Variants in DARS1 observed in about 807,000 individuals in gnomAD.
The protein encoded by DARS1 is aspartate--tRNA ligase, cytoplasmic.
DARS1 carries 51 observed loss-of-function variants against 68.8 expected under a neutral mutation model. The observed-to-expected ratio is 0.74, with a 90% CI of 0.59 to 0.94. The LOEUF (loss-of-function observed/expected upper bound fraction) is 0.94, where lower values mean the gene tolerates loss of function less well. DARS1 is among the 40% of genes least tolerant of loss of function. The pLI, the probability that DARS1 is intolerant of heterozygous loss-of-function variation, is 0.00. For missense variants in DARS1, 607 were observed against 597.3 expected, an observed-to-expected ratio of 1.02 and a Z score of -0.17; for synonymous variants, 203 against 190.4, an observed-to-expected ratio of 1.07 and a Z score of -0.55.
chr2:135,932,616 A>G (rs1681375791), intron 7 of DARS1, among the ~76,000 whole-genome samples, 167 bp downstream of exon 7: 1 of 152,180 alleles, frequency 6.6e-6, no homozygotes, highest in Admixed American at 6.5e-5. Flanking sequence ...GTTGCCTGCA[A>G]TTCTTTTTAG....
intron 5 of DARS1, among the ~76,000 whole-genome samples, chr2:135,934,910 T>A (rs1221333156): frequency 6.7e-6 from 1 of 149,768 alleles, no homozygotes; most frequent in Non-Finnish European, 1.5e-5. Flanking sequence ...TTCTCCCACC[T>A]CAGCCTCCTG....
At chr2:135,963,383 T>G (rs2104835567) in intron 3 of DARS1, among the ~76,000 whole-genome samples, 1 of 152,248 alleles carries the variant, frequency 6.6e-6, no homozygotes, top group South Asian at 2.1e-4. Flanking sequence ...ACTTTTTTTT[T>G]TTTTTGAGAT....
intron 4 of DARS1, among the ~76,000 whole-genome samples, chr2:135,945,434 C>T (rs1681699732): frequency 6.6e-6 from 1 of 152,140 alleles, no homozygotes; most frequent in African/African-American, 2.4e-5. Flanking sequence ...GGCCCAAACA[C>T]ATCTGCTTTT....
In DARS1 at chr2:135,933,951, G is replaced by A. The variant is rs760637079; in HGVS notation, c.463C>T (p.Gln155Ter). The part of the protein sequence containing the change: ...ISLAEPRLPL[Q>*]LDDAVRPEAE... ...TCAGGCCGAACAGCATCATCCAGCTGCAGGGGCAGACGGGGTTCAGCCAAA... is the reference window on the plus strand; with the variant it reads ...TCAGGCCGAACAGCATCATCCAGCTACAGGGGCAGACGGGGTTCAGCCAAA... The change falls in exon 6 of 16, where the codon CAG (glutamine) becomes TAG (stop). Residue 155 changes from glutamine to a stop codon, truncating the protein, a stop_gained. Coordinates refer to ENST00000264161, the MANE Select transcript of DARS1 (RefSeq NM_001349.4). LOFTEE classifies it high-confidence loss of function. 2 of 1,613,732 alleles carry A rather than the reference G, an allele frequency of 1.2e-6. No individual in the cohort carries two copies. Among genetic ancestry groups the A allele is most frequent in the Admixed American group, 1.7e-5 (1 of 60,020 alleles).
chr2:135,976,470 C>G (rs1037430320), intron 3 of DARS1, among the ~76,000 whole-genome samples: 1 of 152,292 alleles, frequency 6.6e-6, no homozygotes, highest in East Asian at 1.9e-4. Flanking sequence ...CTGTTCATAA[C>G]ATTGACACTC....
intron 3 of DARS1, among the ~76,000 whole-genome samples, chr2:135,973,981 T>C (rs1446417712): frequency 6.6e-6 from 1 of 152,242 alleles, no homozygotes; most frequent in African/African-American, 2.4e-5. Flanking sequence ...TATTACACAC[T>C]GCATGCCTGT....
rs780529727 is a variant in DARS1 at position 135,943,432 on chromosome 2, C to A, written c.369G>T (p.Val123=). 4 of 1,613,584 alleles carry A rather than the reference C, an allele frequency of 2.5e-6. No individual in the cohort carries two copies. The African/African-American group carries it at 5.3e-5, about 22-fold the overall frequency. ...GTGTACAGCTTCCAATTTTCTGATT[C>A]ACTTTTCTCACAACACCTTCTACAT... is the stretch of plus-strand genomic sequence containing the variant. ...IVDVEGVVRK[V]NQKIGSCTQQ... Residue 123 remains valine, a synonymous_variant, in exon 5 of 16, where the codon GTG becomes GTT. Coordinates refer to ENST00000264161, the MANE Select transcript of DARS1 (RefSeq NM_001349.4).
At chr2:135,957,130 T>G (rs1244877718) in intron 4 of DARS1, among the ~76,000 whole-genome samples, 3 of 152,084 alleles carry the variant, frequency 2.0e-5, no homozygotes, top group Non-Finnish European at 2.9e-5. Flanking sequence ...GGTGGCACAA[T>G]CACAGCTCAC....
At chr2:135,972,184 T>G (rs1682385865) in intron 3 of DARS1, among the ~76,000 whole-genome samples, 1 of 152,174 alleles carries the variant, frequency 6.6e-6, no homozygotes, top group African/African-American at 2.4e-5. Flanking sequence ...CAAATTATAC[T>G]ACGGAGCTAT....
rs139793320 is a variant in DARS1, at chr2:135,955,738, G to A, written c.320+5658C>T. Among the ~76,000 whole-genome samples, 212 of 126,210 alleles carry A rather than the reference G, an allele frequency of 1.7e-3. 1 individual carries two copies. The highest frequency in any genetic ancestry group is 6.3e-3 in the African/African-American group (200 of 31,924). 82.8% of individuals were successfully genotyped at this position (126,210 alleles called of 152,430 possible). A position where few individuals can be genotyped will look rare whatever the true frequency, so the allele number is the denominator to read the frequency against. On this transcript the variant is annotated intron_variant, in intron 4 of 15. Coordinates refer to ENST00000264161, the MANE Select transcript of DARS1 (RefSeq NM_001349.4). ...GTCTCGCTCTGTCACACAAGCTGGA[G>A]TGCTGTGGCACAATCTCAGCTCACT...
chr2:135,968,087 C>G (rs1682278864), intron 3 of DARS1, among the ~76,000 whole-genome samples: 1 of 151,988 alleles, frequency 6.6e-6, no homozygotes. Flanking sequence ...TGGTGAAACC[C>G]CGACTCTACT....
intron 2 of DARS1, among the ~76,000 whole-genome samples, chr2:135,979,817 G>A (rs1682581830): frequency 6.6e-6 from 1 of 152,204 alleles, no homozygotes; most frequent in African/African-American, 2.4e-5. Flanking sequence ...ACCTAAGTCA[G>A]CTAGTCTCTA....
intron 4 of DARS1, among the ~76,000 whole-genome samples, chr2:135,954,892 T>C (rs1336147742): frequency 2.0e-5 from 3 of 152,080 alleles, no homozygotes; most frequent in Admixed American, 1.3e-4. Context: ...TTTACACTAA[T>C]AGTGTTACCT....
At chr2:135,957,559 G>A (rs749935611) in intron 4 of DARS1, among the ~76,000 whole-genome samples, 3 of 151,884 alleles carry the variant, frequency 2.0e-5, no homozygotes, top group Non-Finnish European at 4.4e-5. Flanking sequence ...ATGGGGTTTC[G>A]CCATGTTGGC....
At chr2:135,911,001 C>A in intron 15 of DARS1, 138 bp downstream of exon 15, 1 of 572,244 alleles carries the variant, frequency 1.7e-6, no homozygotes, top group Non-Finnish European at 3.1e-6. Context: ...TTATAACACA[C>A]AAGTTAGCTG....
chr2:135,918,851 G>A (rs1229720823), intron 10 of DARS1, among the ~76,000 whole-genome samples: 2 of 152,138 alleles, frequency 1.3e-5, no homozygotes, highest in Non-Finnish European at 2.9e-5. Flanking sequence ...GTTATCAGTT[G>A]TTCCATGAAC....
intron 7 of DARS1, among the ~76,000 whole-genome samples, chr2:135,927,007 A>G (rs1007679600): frequency 3.9e-5 from 6 of 152,234 alleles, no homozygotes; most frequent in African/African-American, 9.6e-5. Flanking sequence ...TATAGTTAAA[A>G]TAAGAAATGG....
intron 4 of DARS1, among the ~76,000 whole-genome samples, chr2:135,951,029 T>C (rs1465115369): frequency 6.6e-6 from 1 of 151,526 alleles, no homozygotes; most frequent in Non-Finnish European, 1.5e-5. Context: ...AGACTAGAAG[T>C]CTTGATGAGG....
At chr2:135,928,024 T>C (rs1307394990) in intron 7 of DARS1, among the ~76,000 whole-genome samples, 3 of 152,114 alleles carry the variant, frequency 2.0e-5, no homozygotes, top group South Asian at 2.1e-4. Context: ...AGTAAGGGTG[T>C]TGAGAGAAAG....
Sources: gnomAD v4.1 joint callset for allele counts (sites outside exome capture counted in the v4.1 genomes callset) on GRCh38, gnomAD v4.1.1 for gene constraint, MANE v1.5 for transcripts, NCBI Gene and HGNC (gene_info 2026-07-23, HGNC 2026-07-21) for gene names.